Variants in MMP24 observed in about 807,000 individuals in gnomAD.
MMP24 encodes matrix metallopeptidase 24, also known as matrix metalloproteinase-24.
In MMP24, 25 loss-of-function variants were observed where a neutral mutation model predicts 62.8. The observed-to-expected ratio is 0.40, with a 90% CI of 0.29 to 0.56. The LOEUF is 0.56. MMP24 is among the 20% of genes least tolerant of loss of function. MMP24 has a pLI of 0.50. For missense variants in MMP24, 634 were observed against 853.6 expected (o/e 0.74, Z 3.21); for synonymous variants, 319 against 350.5 (o/e 0.91, Z 1.00).
rs1431181709 is a variant in MMP24, at chr20:35,275,868, GGGC to G, written c.*1260_*1262del. The stretch of plus-strand genomic sequence containing the variant: ...TACCGGTAGCAGCCCCAAGCTGAGG[GGGC>G]TCCCTTTTTGACCTTCACTGGCCCG... On this transcript the variant is annotated 3_prime_UTR_variant, in exon 9 of 9. Transcript: ENST00000246186. The G allele has an allele frequency of 2.5e-6, 1 of 397,436 alleles. No individual in the cohort carries two copies. The highest frequency in any genetic ancestry group is 2.1e-5 in the African/African-American group (1 of 48,744). The allele number at this position is 397,436 out of a possible 1,614,324, so 24.6% of individuals were successfully genotyped here.
chr20:35,239,719 C>T (rs930495568), intron 1 of MMP24, among the ~76,000 whole-genome samples: 12 of 152,114 alleles, frequency 7.9e-5, no homozygotes, highest in Non-Finnish European at 1.6e-4. Flanking sequence ...CCCAGCTACT[C>T]AGGAGGCTGA....
At chr20:35,249,323 C>A (rs1332677484) in intron 2 of MMP24, among the ~76,000 whole-genome samples, 1 of 152,174 alleles carries the variant, frequency 6.6e-6, no homozygotes, top group Non-Finnish European at 1.5e-5. Flanking sequence ...CATTTAAAGT[C>A]CTATGTTTGA....
chr20:35,252,046 C>A (rs1273922369), intron 3 of MMP24, 25 bp downstream of exon 3: 9 of 1,565,114 alleles, frequency 5.8e-6, no homozygotes, highest in Non-Finnish European at 7.0e-6. Context: ...CCTCTTCCTC[C>A]CTGCCTTTGG....
intron 1 of MMP24, among the ~76,000 whole-genome samples, chr20:35,239,245 G>T (rs367759023): frequency 9.6e-4 from 146 of 151,856 alleles, no homozygotes; most frequent in African/African-American, 3.4e-3. Flanking sequence ...CACCGTGTTG[G>T]CCAGGATGGT....
intron 1 of MMP24, among the ~76,000 whole-genome samples, chr20:35,232,072 CAG>C (rs1467296561): frequency 6.6e-6 from 1 of 152,156 alleles, no homozygotes; most frequent in African/African-American, 2.4e-5. Flanking sequence ...AAGCAAATAA[CAG>C]AAGCTAGGTT....
At chr20:35,240,593 A>C (rs537577590) in intron 1 of MMP24, among the ~76,000 whole-genome samples, 78 of 152,218 alleles carry the variant, frequency 5.1e-4, no homozygotes, top group African/African-American at 1.8e-3. Flanking sequence ...CTTTTTTTTC[A>C]AATGGAACAA....
chr20:35,276,400 T>C lies in MMP24; in HGVS notation c.*1791T>C. The C allele has an allele frequency of 2.5e-6, 1 of 398,322 alleles. No individual in the cohort carries two copies. Among genetic ancestry groups the C allele is most frequent in the Non-Finnish European group, 4.4e-6 (1 of 225,968 alleles). 24.7% of individuals were successfully genotyped at this position (398,322 alleles called of 1,614,324 possible). On this transcript the variant is annotated 3_prime_UTR_variant, in exon 9 of 9. Transcript: ENST00000246186. ...ATTAGCTCACACCTGTCCACTCACA[T>C]GAAACTCGTGTTAGGCCCTGGGAGG...
chr20:35,249,106 T>C (rs1043964469), intron 2 of MMP24, among the ~76,000 whole-genome samples: 10 of 152,306 alleles, frequency 6.6e-5, no homozygotes, highest in African/African-American at 2.2e-4. Context: ...AGGAAGCCAG[T>C]TGCACTTATT....
intron 1 of MMP24, among the ~76,000 whole-genome samples, chr20:35,246,302 A>G (rs1407481051): frequency 6.6e-6 from 1 of 151,790 alleles, no homozygotes; most frequent in Non-Finnish European, 1.5e-5. Flanking sequence ...AAAAAAAAAA[A>G]AAAAATACAA....
At chr20:35,246,392 A>G (rs2060515032) in intron 1 of MMP24, among the ~76,000 whole-genome samples, 1 of 152,074 alleles carries the variant, frequency 6.6e-6, no homozygotes, top group Non-Finnish European at 1.5e-5. Flanking sequence ...CAGGAGAATC[A>G]CTTGAACCCC....
At chr20:35,247,591 G>A (rs1430423135) in intron 2 of MMP24, among the ~76,000 whole-genome samples, 1 of 152,206 alleles carries the variant, frequency 6.6e-6, no homozygotes, top group Non-Finnish European at 1.5e-5. Context: ...AATCACTCAA[G>A]GAGAATGTAA....
intron 4 of MMP24, among the ~76,000 whole-genome samples, chr20:35,259,030 A>C (rs2060589395): frequency 6.6e-6 from 1 of 151,956 alleles, no homozygotes; most frequent in African/African-American, 2.4e-5. Flanking sequence ...AAAATACAAA[A>C]ATTAGCCGGG....
At chr20:35,228,874 A>G (rs1045563715) in intron 1 of MMP24, among the ~76,000 whole-genome samples, 1 of 152,164 alleles carries the variant, frequency 6.6e-6, no homozygotes, top group Non-Finnish European at 1.5e-5. Context: ...ATAGATGTCA[A>G]CTTGACCATT....
At chr20:35,262,545 T>A (rs537026994) in intron 4 of MMP24, among the ~76,000 whole-genome samples, 1 of 151,246 alleles carries the variant, frequency 6.6e-6, no homozygotes, top group South Asian at 2.1e-4. Flanking sequence ...AGATGGAGCA[T>A]ACAACCGGGT....
rs778829570 is a variant in MMP24, at chr20:35,246,812, G to A, written c.247-28G>A. The A allele has an allele frequency of 2.2e-5, 35 of 1,611,994 alleles. No homozygotes were observed. In the Middle Eastern group the frequency reaches 5.0e-4, roughly 23 times the overall value. ...AGAACAGAGCCTTTCCCAGCATAAC[G>A]CATCTTTTTCTTTCCCGTGTCTTTC... On this transcript the variant is annotated intron_variant, in intron 1 of 8. Coordinates refer to ENST00000246186, the MANE Select transcript of MMP24 (RefSeq NM_006690.4).
At chr20:35,231,925 G>T (rs1399328103) in intron 1 of MMP24, among the ~76,000 whole-genome samples, 1 of 152,178 alleles carries the variant, frequency 6.6e-6, no homozygotes, top group African/African-American at 2.4e-5. Context: ...GGTGGTGCAT[G>T]CCTGTAATCC....
intron 1 of MMP24, among the ~76,000 whole-genome samples, chr20:35,237,349 G>A (rs943372273): frequency 6.6e-6 from 1 of 152,100 alleles, no homozygotes; most frequent in Non-Finnish European, 1.5e-5. Flanking sequence ...CTTGGCTTGT[G>A]GCCCCTTCTA....
chr20:35,251,376 C>T (rs2060546119), intron 2 of MMP24, among the ~76,000 whole-genome samples: 1 of 152,118 alleles, frequency 6.6e-6, no homozygotes, highest in African/African-American at 2.4e-5. Flanking sequence ...CCACCCGCCT[C>T]AGCCTCCCAA....
At chr20:35,251,845 T>A (rs755317723) in intron 2 of MMP24, 60 bp from the exon 3 acceptor site, 182 of 1,359,968 alleles carry the variant, frequency 1.3e-4, no homozygotes, top group Non-Finnish European at 1.8e-4. Flanking sequence ...GGCAGTCCCT[T>A]CCTAAAGTGT....
Sources: allele counts gnomAD v4.1 joint callset (sites outside exome capture counted in the v4.1 genomes callset), GRCh38; gene constraint gnomAD v4.1.1; transcripts MANE v1.5; gene names NCBI Gene and HGNC (gene_info 2026-07-23, HGNC 2026-07-21).